Variants in AOX1 observed in about 807,000 individuals in gnomAD.
The protein encoded by AOX1 is aldehyde oxidase 1.
AOX1 carries 153 observed loss-of-function variants against 169.5 expected under a neutral mutation model. That is an observed-to-expected ratio of 0.90 (90% confidence interval 0.79 to 1.03). The LOEUF (loss-of-function observed/expected upper bound fraction) is 1.03. Ranked by LOEUF, AOX1 falls within the 50% of genes least tolerant of loss-of-function variation. The pLI is 0.00. For missense variants in AOX1, 1,656 were observed against 1,663.9 expected, an observed-to-expected ratio of 1.00 and a Z score of 0.08; for synonymous variants, 562 against 581.9, an observed-to-expected ratio of 0.97 and a Z score of 0.49.
intron 14 of AOX1, among the ~76,000 whole-genome samples, chr2:200,613,035 A>T (rs1411361853): frequency 4.5e-5 from 6 of 134,472 alleles, no homozygotes; most frequent in African/African-American, 1.4e-4. Flanking sequence ...TGTGAGAGAG[A>T]GAGAGAGAGA....
intron 26 of AOX1, among the ~76,000 whole-genome samples, chr2:200,654,624 G>A (rs1342219990): frequency 6.6e-6 from 1 of 152,160 alleles, no homozygotes; most frequent in Non-Finnish European, 1.5e-5. Flanking sequence ...GCCTTACTAT[G>A]GCACTTGGCA....
chr2:200,664,868 A>G (rs1043918292), intron 31 of AOX1, among the ~76,000 whole-genome samples: 2 of 152,232 alleles, frequency 1.3e-5, no homozygotes, highest in African/African-American at 4.8e-5. Context: ...GTGGATGCTC[A>G]TTAGCTCACA....
At chr2:200,662,245 G>A (rs1269681669) in intron 30 of AOX1, among the ~76,000 whole-genome samples, 3 of 152,240 alleles carry the variant, frequency 2.0e-5, no homozygotes, top group Non-Finnish European at 4.4e-5. Context: ...GGCATTGGAA[G>A]CATTTTTAAT....
intron 19 of AOX1, among the ~76,000 whole-genome samples, chr2:200,626,150 A>G (rs1178756385): frequency 6.6e-6 from 1 of 152,318 alleles, no homozygotes; most frequent in African/African-American, 2.4e-5. Flanking sequence ...GGCAAAAACT[A>G]TTTTTATCCC....
intron 32 of AOX1, among the ~76,000 whole-genome samples, chr2:200,668,107 ATTATTT>A (rs1181206901): frequency 1.4e-5 from 2 of 145,972 alleles, no homozygotes; most frequent in African/African-American, 5.3e-5. Flanking sequence ...TATTATTATT[ATTATTT>A]TTTTTTTTTG....
chr2:200,682,058 G>A (rs1158430971), downstream of AOX1, among the ~76,000 whole-genome samples: 1 of 152,026 alleles, frequency 6.6e-6, no homozygotes, highest in Non-Finnish European at 1.5e-5. Context: ...TAATTAAAAT[G>A]GCTTAAGACT....
chr2:200,611,178 A>G (rs2034631146), intron 12 of AOX1, among the ~76,000 whole-genome samples: 1 of 152,228 alleles, frequency 6.6e-6, no homozygotes, highest in Non-Finnish European at 1.5e-5. Flanking sequence ...ATGAGAAAGC[A>G]AGGAAAACAA....
At chr2:200,631,515 T>G (rs191772203) in intron 20 of AOX1, among the ~76,000 whole-genome samples, 6 of 152,330 alleles carry the variant, frequency 3.9e-5, no homozygotes, top group African/African-American at 1.4e-4. Flanking sequence ...GGGCCTCTTA[T>G]TAAAATGTAA....
At position 200,611,436 on chromosome 2, in the gene AOX1, T is replaced by C. The variant is rs754518354; in HGVS notation, c.1206T>C (p.Asn402=). ...LNEQFLSKCP[N]ADLKPQEILV... ...AGCAATTCCTCAGCAAGTGCCCTAA[T>C]GCAGATCTTAAGCCTCAAGAAATCT... Residue 402 remains asparagine, a synonymous_variant, in exon 13 of 35, where the codon AAT becomes AAC. Transcript: ENST00000374700. 16 of 1,613,934 alleles carry C rather than the reference T, an allele frequency of 9.9e-6. No homozygotes were observed. The Admixed American group carries it at 2.0e-4, about 20-fold the overall frequency.
intron 21 of AOX1, 68 bp from the exon 22 acceptor site, chr2:200,636,843 C>A: frequency 6.5e-7 from 1 of 1,541,374 alleles, no homozygotes; most frequent in South Asian, 1.2e-5. Context: ...ATAGATGTGA[C>A]AATGACAGTC....
chr2:200,634,881 T>C lies in AOX1; in HGVS notation c.2312T>C (p.Val771Ala), dbSNP rs2035200167. ...AAGGGAGAGGATCAAGAAATGGATGTCTACGTGTCCACACAGTTTCCCAAA... is the reference window on the plus strand; with the variant it reads ...AAGGGAGAGGATCAAGAAATGGATGCCTACGTGTCCACACAGTTTCCCAAA... ...VPKGEDQEMD[V>A]YVSTQFPKYI... The change falls in exon 21 of 35, where the codon GTC becomes GCC. Residue 771 changes from valine (V) to alanine (A), a missense_variant. Physicochemically the swap from Val to Ala is moderately conservative, Grantham distance 64. Coordinates refer to ENST00000374700, the MANE Select transcript of AOX1 (RefSeq NM_001159.4). The C allele has an allele frequency of 6.2e-7, 1 of 1,614,006 alleles. No homozygotes were observed. Among genetic ancestry groups the C allele is most frequent in the African/African-American group, 1.3e-5 (1 of 74,936 alleles).
rs566280840 is a variant in AOX1, at chr2:200,659,367, A to G, written c.3300+74A>G. ...AATACGTGGGTGGGTGGAGCTCCAA[A>G]GATGCTGAGAGTTAATCCAACTCAT... On this transcript the variant is annotated intron_variant, in intron 28 of 34. Coordinates refer to ENST00000374700, the MANE Select transcript of AOX1 (RefSeq NM_001159.4). 5.4e-5 allele frequency: 81 copies of G among 1,507,162 alleles called. No individual in the cohort carries two copies. In the East Asian group the frequency reaches 1.8e-3, roughly 33 times the overall value. The allele number at this position is 1,507,162 out of a possible 1,614,324, so 93.4% of individuals were successfully genotyped here.
rs79505099 is a variant in AOX1, at chr2:200,669,743, G to A, written c.3966+1G>A. ...CTGTGAAGACAAGTTCACAAAAATG[G>A]TACGTTTGCATGGTAGAAAAAAAAT... is the stretch of plus-strand genomic sequence containing the variant. On this transcript the variant is annotated splice_donor_variant, in intron 34 of 34. Coordinates refer to ENST00000374700, the MANE Select transcript of AOX1 (RefSeq NM_001159.4). LOFTEE classifies it high-confidence loss of function. The A allele has an allele frequency of 1.2e-6, 2 of 1,611,142 alleles. No homozygotes were observed. The highest frequency in any genetic ancestry group is 1.7e-6 in the Non-Finnish European group (2 of 1,179,106).
chr2:200,603,384 G>T, intron 7 of AOX1, 28 bp downstream of exon 7: 1 of 1,571,522 alleles, frequency 6.4e-7, no homozygotes, highest in Non-Finnish European at 8.8e-7. Flanking sequence ...CTTTTATAAG[G>T]CTTTCTCAGG....
chr2:200,663,797 A>G (rs1049993774), intron 31 of AOX1, among the ~76,000 whole-genome samples: 3 of 152,176 alleles, frequency 2.0e-5, no homozygotes, highest in South Asian at 2.1e-4. Flanking sequence ...TCCAAAATGT[A>G]CCTAGAAGCA....
downstream of AOX1, among the ~76,000 whole-genome samples, chr2:200,675,383 C>A (rs761202911): frequency 6.6e-6 from 1 of 152,268 alleles, no homozygotes; most frequent in South Asian, 2.1e-4. Context: ...AGATGGATAA[C>A]CTCACCAAAC....
intron 25 of AOX1, among the ~76,000 whole-genome samples, chr2:200,646,928 A>G (rs2035465207): frequency 6.6e-6 from 1 of 151,970 alleles, no homozygotes; most frequent in Non-Finnish European, 1.5e-5. Flanking sequence ...GCCTTTTTCC[A>G]CTTCTTTACT....
At chr2:200,649,678 C>T (rs554523711) in intron 25 of AOX1, among the ~76,000 whole-genome samples, 15 of 152,168 alleles carry the variant, frequency 9.9e-5, no homozygotes, top group African/African-American at 2.4e-4. Flanking sequence ...TTATTGACAA[C>T]GACCTTCCCC....
At chr2:200,609,462 C>G in intron 12 of AOX1, 48 bp downstream of exon 12, 3 of 1,478,674 alleles carry the variant, frequency 2.0e-6, no homozygotes, top group Middle Eastern at 1.7e-4. Context: ...TTCTCTACCC[C>G]TTTTTCTCTC....
Sources: gnomAD v4.1 joint callset for allele counts (sites outside exome capture counted in the v4.1 genomes callset) on GRCh38, gnomAD v4.1.1 for gene constraint, MANE v1.5 for transcripts, NCBI Gene and HGNC (gene_info 2026-07-23, HGNC 2026-07-21) for gene names.